SLC37A3: variants seen among roughly 807,000 people sequenced by gnomAD.
The protein encoded by SLC37A3 is solute carrier family 37 member 3, also known as sugar phosphate exchanger 3.
SLC37A3 carries 51 observed loss-of-function variants against 67.1 expected under a neutral mutation model. That is an observed-to-expected ratio of 0.76 (90% CI 0.61 to 0.96). The LOEUF is 0.96. Among genes scored for constraint, SLC37A3 ranks in the 40% least tolerant of loss-of-function variants. The pLI is 0.00. For synonymous variants in SLC37A3, 214 were observed against 231.4 expected, an observed-to-expected ratio of 0.92 and a Z score of 0.68; for missense variants, 508 against 603.0, an observed-to-expected ratio of 0.84 and a Z score of 1.65.
chr7:140,364,213 T>C (rs1000514242), intron 5 of SLC37A3, among the ~76,000 whole-genome samples, 195 bp downstream of exon 5: 2 of 146,846 alleles, frequency 1.4e-5, no homozygotes, highest in African/African-American at 5.1e-5. Flanking sequence ...ATCGCACCAC[T>C]GCACTCCAGC....
intron 4 of SLC37A3, 111 bp downstream of exon 4, chr7:140,369,479 G>A: frequency 1.4e-6 from 1 of 722,790 alleles, no homozygotes; most frequent in South Asian, 1.9e-5. Context: ...CAGAAATACT[G>A]AACTCTGCCT....
intron 11 of SLC37A3, among the ~76,000 whole-genome samples, chr7:140,345,581 C>G (rs1026334351): frequency 1.3e-5 from 2 of 152,134 alleles, no homozygotes; most frequent in Non-Finnish European, 2.9e-5. Context: ...GTTTTATTGG[C>G]TATAATGCTG....
chr7:140,377,210 GTTT>G (rs377692283), intron 3 of SLC37A3, among the ~76,000 whole-genome samples: 1 of 143,054 alleles, frequency 7.0e-6, no homozygotes, highest in Non-Finnish European at 1.5e-5. Context: ...CTCCCAAAGT[GTTT>G]TTTTTTTTGT....
In SLC37A3 at chr7:140,393,551, G is replaced by A. The variant is rs531908140; in HGVS notation, c.-71+4865C>T. On this transcript the variant is annotated intron_variant, in intron 1 of 14. Coordinates refer to ENST00000326232, the MANE Select transcript of SLC37A3 (RefSeq NM_207113.3). ...CCCATCAAGCCTCCTCTTGCTTCGG[G>A]CTTTGTGTTTGTTCTTCCACGAGAG... is the stretch of plus-strand genomic sequence containing the variant. Among the ~76,000 whole-genome samples, 15 of 152,258 alleles carry A rather than the reference G, an allele frequency of 9.9e-5. No individual in the cohort carries two copies. The South Asian group carries it at 2.7e-3, about 27-fold the overall frequency.
rs774567001 is a variant in SLC37A3 at position 140,345,938 on chromosome 7, G to C, written c.1057C>G (p.Leu353Val). Reference sequence around the variant, plus strand: ...GCAAGAACCGGCGCTCTCTTCTGTAGTACATCAGAGATGAAGCCTTGCAAA... The same window carrying C: ...GCAAGAACCGGCGCTCTCTTCTGTACTACATCAGAGATGAAGCCTTGCAAA... Reference protein sequence around the residue: ...GTLQGFISDVLQKRAPVLALS... With the variant: ...GTLQGFISDVVQKRAPVLALS... The change falls in exon 11 of 15, where the codon CTA becomes GTA. Residue 353 changes from leucine (L) to valine (V), a missense_variant. Leu to Val is a conservative substitution (Grantham distance 32). Coordinates refer to ENST00000326232, the MANE Select transcript of SLC37A3 (RefSeq NM_207113.3). The C allele has an allele frequency of 2.5e-6, 4 of 1,613,814 alleles. No homozygotes were observed. The highest frequency in any genetic ancestry group is 1.3e-5 in the African/African-American group (1 of 74,914).
intron 1 of SLC37A3, among the ~76,000 whole-genome samples, chr7:140,392,267 G>A (rs1448988514): frequency 6.6e-6 from 1 of 152,148 alleles, no homozygotes; most frequent in Non-Finnish European, 1.5e-5. Flanking sequence ...ACAACCCTTG[G>A]TATTCCCTAT....
At chr7:140,396,675 C>T (rs543038724) in intron 1 of SLC37A3, among the ~76,000 whole-genome samples, 2 of 152,240 alleles carry the variant, frequency 1.3e-5, no homozygotes, top group African/African-American at 2.4e-5. Flanking sequence ...GAACCTTAAA[C>T]AATGAACAAG....
chr7:140,376,568 TGA>T (rs904150338), intron 3 of SLC37A3, among the ~76,000 whole-genome samples: 12 of 152,130 alleles, frequency 7.9e-5, no homozygotes, highest in African/African-American at 2.9e-4. Context: ...GTTCCCTGTG[TGA>T]GTTTCCCAGG....
chr7:140,377,854 G>A (rs1798093499), intron 3 of SLC37A3, among the ~76,000 whole-genome samples: 1 of 152,064 alleles, frequency 6.6e-6, no homozygotes, highest in African/African-American at 2.4e-5. Context: ...AACATAGCAA[G>A]AGCCCCGTCT....
chr7:140,340,931 C>CAA, intron 13 of SLC37A3, among the ~76,000 whole-genome samples: 1 of 145,574 alleles, frequency 6.9e-6, no homozygotes, highest in South Asian at 2.2e-4. Context: ...GATGCTGTCT[C>CAA]AAAAAAAAAA....
At chr7:140,362,645 C>T (rs1328766799) in intron 5 of SLC37A3, among the ~76,000 whole-genome samples, 1 of 66,752 alleles carries the variant, frequency 1.5e-5, no homozygotes, top group Non-Finnish European at 3.3e-5. Flanking sequence ...CCCCTCTGCC[C>T]GGCCAGCCGC....
chr7:140,357,503 A>C (rs540459638), intron 6 of SLC37A3, among the ~76,000 whole-genome samples: 3 of 151,528 alleles, frequency 2.0e-5, no homozygotes, highest in Non-Finnish European at 4.4e-5. Context: ...AGGCCGAGGC[A>C]GAATAGCTTG....
chr7:140,336,069 A>G (rs985497661), intron 14 of SLC37A3, among the ~76,000 whole-genome samples: 2 of 152,254 alleles, frequency 1.3e-5, no homozygotes, highest in East Asian at 3.8e-4. Flanking sequence ...ATTTGGGGAC[A>G]GGATACTGAA....
At chr7:140,375,151 C>T in intron 3 of SLC37A3, among the ~76,000 whole-genome samples, 1 of 136,610 alleles carries the variant, frequency 7.3e-6, no homozygotes, top group African/African-American at 2.7e-5. Flanking sequence ...AAGATTCCGC[C>T]TCAAAAAAAA....
At chr7:140,389,606 C>T (rs542852743) in intron 1 of SLC37A3, among the ~76,000 whole-genome samples, 1 of 152,170 alleles carries the variant, frequency 6.6e-6, no homozygotes, top group Non-Finnish European at 1.5e-5. Context: ...CATTGCAGTT[C>T]CCCTGTCTTG....
At chr7:140,336,878 C>A (rs891071900) in intron 14 of SLC37A3, among the ~76,000 whole-genome samples, 2 of 149,158 alleles carry the variant, frequency 1.3e-5, no homozygotes, top group African/African-American at 4.9e-5. Flanking sequence ...TCGGGTGGAT[C>A]ACCTGAGGTC....
chr7:140,362,334 T>A (rs1275220906), intron 5 of SLC37A3, among the ~76,000 whole-genome samples: 361 of 132,638 alleles, frequency 2.7e-3, no homozygotes, highest in African/African-American at 9.8e-3. Context: ...GTCTGAGAAG[T>A]GAGGAGCCCC....
chr7:140,396,897 T>G (rs1244629279), intron 1 of SLC37A3, among the ~76,000 whole-genome samples: 19 of 149,070 alleles, frequency 1.3e-4, no homozygotes, highest in South Asian at 4.3e-4. Context: ...TTTTTTTGTT[T>G]TTTTTTTTTT....
intron 5 of SLC37A3, among the ~76,000 whole-genome samples, chr7:140,360,087 C>G (rs1158929302): frequency 2.0e-5 from 3 of 152,164 alleles, no homozygotes; most frequent in Non-Finnish European, 4.4e-5. Flanking sequence ...GGACTTGTGC[C>G]GGTAATTCCA....
Sources: gnomAD v4.1 joint callset for allele counts (sites outside exome capture counted in the v4.1 genomes callset) on GRCh38, gnomAD v4.1.1 for gene constraint, MANE v1.5 for transcripts, NCBI Gene and HGNC (gene_info 2026-07-23, HGNC 2026-07-21) for gene names.